Variants in PXDNL observed in about 807,000 individuals in gnomAD.
PXDNL encodes peroxidasin like, also known as probable oxidoreductase PXDNL.
A neutral mutation model predicts 150.8 loss-of-function variants in PXDNL; 145 were observed. The ratio of observed to expected loss-of-function variants is 0.96; its 90% CI spans 0.84 to 1.10. PXDNL has a LOEUF of 1.10. Among genes scored for constraint, PXDNL ranks in the 50% least tolerant of loss-of-function variants. The pLI is 0.00. For synonymous variants in PXDNL, 757 were observed against 725.7 expected (o/e 1.04, Z -0.69); for missense variants, 2,087 against 1,873.9 (o/e 1.11, Z -2.10).
In PXDNL at chr8:51,457,546, C is replaced by T. The variant is rs1257193399; in HGVS notation, c.934G>A (p.Gly312Arg). ...VYQCMARNSAGEAKTQSAMLR... is the reference protein window; with the variant it reads ...VYQCMARNSAREAKTQSAMLR... ...ATGGCACTCTGTGTCTTGGCTTCCC[C>T]AGCGGAATTTCTGGCCATGCACTGA... Residue 312 changes from glycine (G) to arginine (R), a missense_variant, in exon 9 of 23, where the codon GGG becomes AGG. Coordinates refer to ENST00000356297, the MANE Select transcript of PXDNL (RefSeq NM_144651.5). 3.1e-6 allele frequency: 5 copies of T among 1,613,470 alleles called. No individual in the cohort carries two copies. Among genetic ancestry groups the T allele is most frequent in the Non-Finnish European group, 4.2e-6 (5 of 1,179,726 alleles).
chr8:51,658,529 G>A (rs150928036), intron 1 of PXDNL, among the ~76,000 whole-genome samples: 79 of 152,154 alleles, frequency 5.2e-4, no homozygotes, highest in African/African-American at 1.7e-3. Flanking sequence ...TTATAGGTAA[G>A]TACATTATAA....
At chr8:51,516,316 A>G (rs1811538083) in intron 4 of PXDNL, among the ~76,000 whole-genome samples, 2 of 152,218 alleles carry the variant, frequency 1.3e-5, no homozygotes, top group East Asian at 3.8e-4. Flanking sequence ...TTTGATTAGA[A>G]ACACAAATTC....
intron 1 of PXDNL, among the ~76,000 whole-genome samples, chr8:51,794,281 C>T (rs2037540412): frequency 1.3e-5 from 2 of 152,136 alleles, no homozygotes; most frequent in African/African-American, 4.8e-5. Context: ...CCTAACAAGA[C>T]AGGCCAACAT....
rs189393218 is a variant in PXDNL at position 51,485,921 on chromosome 8, G to A, written c.453-2207C>T. Among the ~76,000 whole-genome samples, 561 of 152,278 alleles carry A rather than the reference G, an allele frequency of 3.7e-3. 5 individuals are homozygous for A. The highest frequency in any genetic ancestry group is 4.0e-3 in the Non-Finnish European group (269 of 68,038). ...CCATTTCCTTATCTTAAGGAACACTGGAACAGAGTTTCATGATGGAGAAAC... is the reference window on the plus strand; with the variant it reads ...CCATTTCCTTATCTTAAGGAACACTAGAACAGAGTTTCATGATGGAGAAAC... On this transcript the variant is annotated intron_variant, in intron 5 of 22. Transcript: ENST00000356297.
intron 1 of PXDNL, among the ~76,000 whole-genome samples, chr8:51,746,591 G>T (rs778223105): frequency 1.3e-5 from 2 of 152,118 alleles, no homozygotes; most frequent in Non-Finnish European, 2.9e-5. Context: ...CCCCTCAAAA[G>T]CTTGTTACAC....
At chr8:51,780,944 A>G (rs12677434) in intron 1 of PXDNL, among the ~76,000 whole-genome samples, 104,258 of 151,770 alleles carry the variant, frequency 0.69, 42,299 homozygotes, top group Non-Finnish European at 0.9. Flanking sequence ...ACAGGTGTGA[A>G]CCACTGCACC....
chr8:51,393,709 G>C (rs1807980520), intron 17 of PXDNL, among the ~76,000 whole-genome samples: 2 of 152,310 alleles, frequency 1.3e-5, no homozygotes, highest in Admixed American at 1.3e-4. Flanking sequence ...ATCTGGGTGG[G>C]CCCAATGTAA....
chr8:51,432,177 T>C (rs1204632430), intron 12 of PXDNL, among the ~76,000 whole-genome samples: 1 of 152,202 alleles, frequency 6.6e-6, no homozygotes, highest in African/African-American at 2.4e-5. Flanking sequence ...AAAGATGTAA[T>C]TTCACCTTCT....
intron 2 of PXDNL, among the ~76,000 whole-genome samples, chr8:51,652,439 T>A (rs868813622): frequency 3.2e-4 from 47 of 146,934 alleles, no homozygotes; most frequent in Admixed American, 4.7e-4. Context: ...TCTCTCTCTC[T>A]CACACACACA....
At chr8:51,487,505 T>C (rs1214067095) in intron 5 of PXDNL, among the ~76,000 whole-genome samples, 1 of 151,934 alleles carries the variant, frequency 6.6e-6, no homozygotes, top group African/African-American at 2.4e-5. Context: ...ATACCAACCA[T>C]AAATTTTTAG....
At chr8:51,427,805 C>T (rs957530389) in intron 12 of PXDNL, among the ~76,000 whole-genome samples, 5 of 152,108 alleles carry the variant, frequency 3.3e-5, no homozygotes, top group Non-Finnish European at 7.4e-5. Context: ...GAATACTTTT[C>T]ACATAGAAAA....
chr8:51,609,167 T>C (rs966480417), intron 2 of PXDNL, among the ~76,000 whole-genome samples: 1 of 152,240 alleles, frequency 6.6e-6, no homozygotes, highest in African/African-American at 2.4e-5. Context: ...TCATGTGTTC[T>C]AATTCTCAAT....
intron 2 of PXDNL, among the ~76,000 whole-genome samples, chr8:51,594,357 A>C (rs771785990): frequency 1.1e-4 from 17 of 152,196 alleles, no homozygotes; most frequent in Non-Finnish European, 2.4e-4. Flanking sequence ...AGGAGAGAGA[A>C]ATTGACTCAT....
chr8:51,801,202 G>C (rs2037615860), intron 1 of PXDNL, among the ~76,000 whole-genome samples: 1 of 152,122 alleles, frequency 6.6e-6, no homozygotes, highest in Non-Finnish European at 1.5e-5. Context: ...ATGTGGTTGA[G>C]ATAAGGACTG....
Position 51,409,134 on chromosome 8 carries a change from C to CTG in PXDNL, c.2489_2490insCA (p.Pro831SerfsTer16). 3.1e-6 allele frequency: 5 copies of CTG among 1,604,110 alleles called. No individual in the cohort carries two copies. The highest frequency in any genetic ancestry group is 4.2e-6 in the Non-Finnish European group (5 of 1,178,414). ...CGTTGGTGCAGACGGAGCTGCACGGCCGCCCATCCGAGAAGCGGGCTGTGC... is the reference window on the plus strand; with the variant it reads ...CGTTGGTGCAGACGGAGCTGCACGGCTGCGCCCATCCGAGAAGCGGGCTGTGC... On this transcript the variant is annotated frameshift_variant, in exon 17 of 23. Coordinates refer to ENST00000356297, the MANE Select transcript of PXDNL (RefSeq NM_144651.5). LOFTEE classifies it high-confidence loss of function.
intron 21 of PXDNL, among the ~76,000 whole-genome samples, chr8:51,334,566 C>T (rs1371509110): frequency 2.6e-5 from 4 of 151,922 alleles, no homozygotes; most frequent in Non-Finnish European, 4.4e-5. Context: ...ATTGATAGAC[C>T]ATTAGCAAGA....
At position 51,409,030 on chromosome 8, in the gene PXDNL, G is replaced by A; in HGVS notation, c.2594C>T (p.Ser865Phe). 1 of 1,610,470 alleles carries A rather than the reference G, an allele frequency of 6.2e-7. No individual in the cohort carries two copies. The highest frequency in any genetic ancestry group is 8.5e-7 in the Non-Finnish European group (1 of 1,179,748). Reference protein sequence around the residue: ...THAPCMLFARSSPACASGRPS... With the variant: ...THAPCMLFARFSPACASGRPS... ...ACGGCCGCTGGCACACGCGGGGCTGGAGCGCGCGAAGAGCATGCAGGGCGC... is the reference window on the plus strand; with the variant it reads ...ACGGCCGCTGGCACACGCGGGGCTGAAGCGCGCGAAGAGCATGCAGGGCGC... Residue 865 changes from serine (S) to phenylalanine (F), a missense_variant, in exon 17 of 23, where the codon TCC (serine) becomes TTC (phenylalanine). Ser to Phe is a radical substitution (Grantham distance 155). Coordinates refer to ENST00000356297, the MANE Select transcript of PXDNL (RefSeq NM_144651.5).
In PXDNL at chr8:51,453,556, G is replaced by A. The variant is rs371360769; in HGVS notation, c.1212C>T (p.His404=). 23 of 1,614,010 alleles carry A rather than the reference G, an allele frequency of 1.4e-5. No individual in the cohort carries two copies. Among genetic ancestry groups the A allele is most frequent in the Middle Eastern group, 1.6e-4 (1 of 6,062 alleles). The change falls in exon 10 of 23, where the codon CAC becomes CAT. Residue 404 remains histidine (H), a synonymous_variant. Transcript: ENST00000356297. ...GRFTCHANNS[H]GTVQAAANII... ...TGTTTGCTGCAGCTTGAACAGTGCCGTGGCTATTGTTGGCATGACAGGTAA... is the reference window on the plus strand; with the variant it reads ...TGTTTGCTGCAGCTTGAACAGTGCCATGGCTATTGTTGGCATGACAGGTAA...
intron 2 of PXDNL, among the ~76,000 whole-genome samples, chr8:51,642,681 G>T (rs1312363682): frequency 2.0e-5 from 3 of 152,302 alleles, no homozygotes; most frequent in African/African-American, 4.8e-5. Context: ...AGCGTTGGAA[G>T]TTCTGGCCAG....
Sources: allele counts gnomAD v4.1 joint callset (sites outside exome capture counted in the v4.1 genomes callset), GRCh38; gene constraint gnomAD v4.1.1; transcripts MANE v1.5; gene names NCBI Gene and HGNC (gene_info 2026-07-23, HGNC 2026-07-21).